The following SEPTIN7 variants were observed in gnomAD, a reference collection of about 807,000 sequenced individuals.
SEPTIN7 encodes the protein septin-7.
A neutral mutation model predicts 63.3 loss-of-function variants in SEPTIN7; 10 were observed. The observed-to-expected ratio is 0.16, with a 90% CI of 0.10 to 0.27. The LOEUF (loss-of-function observed/expected upper bound fraction) is 0.27. SEPTIN7 is among the 10% of genes least tolerant of loss of function. SEPTIN7 has a pLI of 1.00. For missense variants in SEPTIN7, 310 were observed against 521.0 expected (o/e 0.59, Z 3.94); for synonymous variants, 131 against 165.3 (o/e 0.79, Z 1.59).
intron 1 of SEPTIN7, among the ~76,000 whole-genome samples, chr7:35,804,462 G>A (rs1381291239): frequency 2.6e-5 from 4 of 152,192 alleles, no homozygotes; most frequent in African/African-American, 9.7e-5. Context: ...CTAAATCCTT[G>A]TGACTTACAC....
chr7:35,880,737 T>A (rs1472110935), intron 7 of SEPTIN7, among the ~76,000 whole-genome samples: 1 of 152,138 alleles, frequency 6.6e-6, no homozygotes, highest in Non-Finnish European at 1.5e-5. Flanking sequence ...TAAGTTATTG[T>A]TCAAACCTAT....
chr7:35,832,500 C>A (rs1410530287), intron 2 of SEPTIN7, among the ~76,000 whole-genome samples: 2 of 151,950 alleles, frequency 1.3e-5, no homozygotes, highest in African/African-American at 2.4e-5. Context: ...GTTGGTTGGT[C>A]AATCATCTTG....
At chr7:35,912,503 G>C in the SEPTIN7 span, among the ~76,000 whole-genome samples, 2 of 152,270 alleles carry the variant, frequency 1.3e-5, no homozygotes, top group Non-Finnish European at 2.9e-5. Context: ...TCTGTTCGGG[G>C]CTCTCAGCTC....
chr7:35,828,454 C>T (rs540611087), intron 1 of SEPTIN7, among the ~76,000 whole-genome samples: 87 of 151,840 alleles, frequency 5.7e-4, no homozygotes, highest in African/African-American at 2.0e-3. Flanking sequence ...CAGCTCACTG[C>T]AACCTCTGCC....
At chr7:35,810,347 G>A (rs1788610017) in intron 1 of SEPTIN7, among the ~76,000 whole-genome samples, 1 of 146,240 alleles carries the variant, frequency 6.8e-6, no homozygotes, top group Non-Finnish European at 1.5e-5. Flanking sequence ...TTTTTGAGAT[G>A]GAGTCTTGCT....
chr7:35,879,762 G>A, intron 6 of SEPTIN7, 61 bp from the exon 7 acceptor site: 2 of 886,418 alleles, frequency 2.3e-6, no homozygotes. Flanking sequence ...CATTGGGGAT[G>A]TGAAGAATCT....
At chr7:35,883,827 T>C (rs1787056539) in intron 8 of SEPTIN7, 64 bp from the exon 9 acceptor site, 7 of 1,021,516 alleles carry the variant, frequency 6.9e-6, no homozygotes, top group Non-Finnish European at 8.7e-6. Flanking sequence ...AATGTAACTT[T>C]TTTTATTTTT....
intron 1 of SEPTIN7, among the ~76,000 whole-genome samples, chr7:35,807,914 C>G (rs1467338114): frequency 1.1e-4 from 16 of 152,060 alleles, no homozygotes; most frequent in African/African-American, 3.9e-4. Context: ...CCTCTGCCTC[C>G]TGGGTTCAAG....
intron 1 of SEPTIN7, among the ~76,000 whole-genome samples, chr7:35,827,813 A>G (rs1432464172): frequency 2.6e-5 from 4 of 152,156 alleles, no homozygotes; most frequent in Non-Finnish European, 4.4e-5. Context: ...TATTTTCTAA[A>G]TAGTATTTGT....
intron 7 of SEPTIN7, among the ~76,000 whole-genome samples, chr7:35,880,223 C>CTTTTTTTTTTTTTTTTTTTTTTTTTTCT: frequency 1.4e-5 from 1 of 72,776 alleles, no homozygotes; most frequent in Non-Finnish European, 2.6e-5. Flanking sequence ...TTTTTCTTTT[C>CTTTTTTTTTTTTTTTTTTTTTTTTTTCT]TTTTTTTTTT....
intron 4 of SEPTIN7, among the ~76,000 whole-genome samples, chr7:35,867,698 A>C (rs1785898947): frequency 6.6e-6 from 1 of 152,196 alleles, no homozygotes; most frequent in Non-Finnish European, 1.5e-5. Flanking sequence ...AAAGGGTATC[A>C]TCTGTCTTTT....
At chr7:35,825,553 A>G (rs186518172) in intron 1 of SEPTIN7, among the ~76,000 whole-genome samples, 2 of 152,242 alleles carry the variant, frequency 1.3e-5, no homozygotes, top group Non-Finnish European at 2.9e-5. Context: ...GCTCTTATAT[A>G]TCCTTCTGTG....
chr7:35,859,856 G>A (rs568561084), intron 3 of SEPTIN7, among the ~76,000 whole-genome samples: 23 of 152,056 alleles, frequency 1.5e-4, no homozygotes, highest in South Asian at 4.2e-4. Context: ...CTTTTACTTT[G>A]AACCTATGTG....
chr7:35,913,309 A>G, the SEPTIN7 span, among the ~76,000 whole-genome samples: 2 of 152,086 alleles, frequency 1.3e-5, no homozygotes, highest in Admixed American at 1.3e-4. Flanking sequence ...TCTCTGTAAC[A>G]TGCACACTTT....
chr7:35,802,813 G>C (rs988170081), intron 1 of SEPTIN7, among the ~76,000 whole-genome samples: 10 of 152,104 alleles, frequency 6.6e-5, no homozygotes, highest in Non-Finnish European at 1.5e-4. Flanking sequence ...GGTGGTGATG[G>C]GGGGGTGGTA....
At chr7:35,823,772 G>T (rs1783353155) in intron 1 of SEPTIN7, among the ~76,000 whole-genome samples, 1 of 152,118 alleles carries the variant, frequency 6.6e-6, no homozygotes, top group African/African-American at 2.4e-5. Flanking sequence ...AAATTGCTTG[G>T]ATGGCTGTTA....
intron 10 of SEPTIN7, among the ~76,000 whole-genome samples, chr7:35,889,224 G>A (rs992980731): frequency 6.6e-6 from 1 of 152,228 alleles, no homozygotes; most frequent in African/African-American, 2.4e-5. Flanking sequence ...TTCAGTGTCA[G>A]CCGCCAGATA....
chr7:35,861,121 A>G (rs926089507), intron 3 of SEPTIN7, among the ~76,000 whole-genome samples: 6 of 152,000 alleles, frequency 3.9e-5, no homozygotes, highest in South Asian at 2.1e-4. Flanking sequence ...GAAATTTTCA[A>G]TTATTGTATT....
chr7:35,811,474 A>G (rs1788702072), intron 1 of SEPTIN7, among the ~76,000 whole-genome samples: 1 of 152,198 alleles, frequency 6.6e-6, no homozygotes, highest in Admixed American at 6.5e-5. Flanking sequence ...TATAGGTTGT[A>G]ATTAGGGGTG....
Sources: allele counts gnomAD v4.1 joint callset (sites outside exome capture counted in the v4.1 genomes callset), GRCh38; gene constraint gnomAD v4.1.1; transcripts MANE v1.5; gene names NCBI Gene and HGNC (gene_info 2026-07-23, HGNC 2026-07-21).